Variants in CLVS1 observed in about 807,000 individuals in gnomAD.
The protein encoded by CLVS1 is clavesin 1.
CLVS1 carries 10 observed loss-of-function variants against 33.1 expected under a neutral mutation model. That is an observed-to-expected ratio of 0.30 (90% CI 0.19 to 0.51). CLVS1 has a LOEUF of 0.51. CLVS1 is among the 20% of genes least tolerant of loss of function. The pLI, the probability that CLVS1 is intolerant of heterozygous loss-of-function variation, is 0.97. For missense variants in CLVS1, 343 were observed against 433.4 expected (o/e 0.79, Z 1.85); for synonymous variants, 163 against 166.1 (o/e 0.98, Z 0.14).
chr8:61,114,347 TA>T (rs1235703950), intron 1 of CLVS1, among the ~76,000 whole-genome samples: 3 of 152,228 alleles, frequency 2.0e-5, no homozygotes, highest in African/African-American at 7.2e-5. Context: ...GAAAATTCAG[TA>T]AAGCATCATC....
At chr8:61,330,217 G>A (rs1158790707) in intron 2 of CLVS1, among the ~76,000 whole-genome samples, 1 of 152,178 alleles carries the variant, frequency 6.6e-6, no homozygotes, top group Non-Finnish European at 1.5e-5. Context: ...CCAAGGAGCA[G>A]CTGCTGTTAC....
chr8:61,139,206 G>T (rs758888114), intron 2 of CLVS1, among the ~76,000 whole-genome samples: 2 of 152,160 alleles, frequency 1.3e-5, no homozygotes, highest in Non-Finnish European at 2.9e-5. Flanking sequence ...CCGGCTGCCA[G>T]CAGAGGGCAG....
intron 2 of CLVS1, among the ~76,000 whole-genome samples, chr8:61,269,053 T>A (rs1809375088): frequency 6.7e-6 from 1 of 148,556 alleles, no homozygotes; most frequent in Non-Finnish European, 1.5e-5. Flanking sequence ...TGTCTTTTGT[T>A]GCCATTGCTT....
chr8:61,378,632 C>CA (rs1030913688), intron 3 of CLVS1, among the ~76,000 whole-genome samples: 6 of 152,176 alleles, frequency 3.9e-5, no homozygotes, highest in Non-Finnish European at 1.5e-5. Context: ...ACAGTTCCTT[C>CA]ATCAAGGATA....
intron 3 of CLVS1, among the ~76,000 whole-genome samples, chr8:61,443,588 C>T (rs1816647390): frequency 1.3e-5 from 2 of 152,116 alleles, no homozygotes; most frequent in South Asian, 4.1e-4. Context: ...CTATTCTGTT[C>T]CCTTAATCTA....
chr8:61,490,656 CA>C (rs11455386), intron 5 of CLVS1, among the ~76,000 whole-genome samples: 155 of 113,048 alleles, frequency 1.4e-3, no homozygotes, highest in African/African-American at 3.6e-3. Flanking sequence ...AGATCCGTCT[CA>C]AAAAAAAAAA....
At chr8:61,219,305 C>T (rs1254243037) in intron 2 of CLVS1, among the ~76,000 whole-genome samples, 2 of 152,038 alleles carry the variant, frequency 1.3e-5, no homozygotes, top group Non-Finnish European at 2.9e-5. Flanking sequence ...CTCTCACTTC[C>T]CCCCACCAAC....
chr8:61,055,027 C>T (rs1455601985), upstream of CLVS1, among the ~76,000 whole-genome samples: 1 of 152,168 alleles, frequency 6.6e-6, no homozygotes, highest in Non-Finnish European at 1.5e-5. Context: ...CCAACCCTTT[C>T]ATTATCTAAC....
intron 3 of CLVS1, among the ~76,000 whole-genome samples, chr8:61,410,890 C>A (rs1483332959): frequency 6.6e-6 from 1 of 152,164 alleles, no homozygotes; most frequent in African/African-American, 2.4e-5. Context: ...GATCCGCCTG[C>A]CTTAGCCTCC....
At chr8:61,382,790 T>C (rs1312143525) in intron 3 of CLVS1, among the ~76,000 whole-genome samples, 1 of 152,124 alleles carries the variant, frequency 6.6e-6, no homozygotes, top group Non-Finnish European at 1.5e-5. Flanking sequence ...AACCACACTT[T>C]GGTGTGGGTG....
chr8:61,398,609 C>T (rs1376045654), intron 3 of CLVS1, among the ~76,000 whole-genome samples: 4 of 152,034 alleles, frequency 2.6e-5, no homozygotes, highest in Non-Finnish European at 5.9e-5. Context: ...CATAGATAAA[C>T]GTGTGCCATG....
chr8:61,122,425 T>C (rs921168257), intron 1 of CLVS1, among the ~76,000 whole-genome samples: 1 of 152,146 alleles, frequency 6.6e-6, no homozygotes, highest in Admixed American at 6.5e-5. Flanking sequence ...GGGATATAGA[T>C]TGCCAGGAAA....
chr8:61,262,766 G>A (rs1049634135), intron 2 of CLVS1, among the ~76,000 whole-genome samples: 4 of 152,084 alleles, frequency 2.6e-5, no homozygotes, highest in Admixed American at 6.5e-5. Flanking sequence ...GGTGGCAGGC[G>A]TTCAGGATGC....
the CLVS1 span, among the ~76,000 whole-genome samples, chr8:60,997,923 C>T: frequency 2.6e-5 from 4 of 151,884 alleles, no homozygotes; most frequent in African/African-American, 9.7e-5. Context: ...TCTTTCTAGT[C>T]CTTAAGGTGC....
At chr8:61,367,070 C>T (rs752549002) in intron 2 of CLVS1, among the ~76,000 whole-genome samples, 1 of 152,096 alleles carries the variant, frequency 6.6e-6, no homozygotes, top group Non-Finnish European at 1.5e-5. Flanking sequence ...GGCTACTATC[C>T]TTCATGGTTC....
intron 2 of CLVS1, among the ~76,000 whole-genome samples, chr8:61,167,568 A>G (rs1806901776): frequency 6.6e-6 from 1 of 152,246 alleles, no homozygotes; most frequent in African/African-American, 2.4e-5. Flanking sequence ...GTGAGGAAAC[A>G]TCAGAGTTCT....
chr8:61,160,724 G>A (rs1806735464), intron 2 of CLVS1, among the ~76,000 whole-genome samples: 1 of 152,110 alleles, frequency 6.6e-6, no homozygotes, highest in African/African-American at 2.4e-5. Flanking sequence ...GTTGAGTCCA[G>A]TTAAATATTT....
intron 2 of CLVS1, among the ~76,000 whole-genome samples, chr8:61,303,597 A>G (rs1810511998): frequency 6.6e-6 from 1 of 152,198 alleles, no homozygotes; most frequent in Admixed American, 6.5e-5. Context: ...TTATGGTTTT[A>G]ATAAAAAGGT....
intron 1 of CLVS1, among the ~76,000 whole-genome samples, chr8:61,077,439 AAGTATTATTATT>A (rs1001311736): frequency 7.7e-6 from 1 of 129,524 alleles, no homozygotes; most frequent in Non-Finnish European, 1.6e-5. Flanking sequence ...GACCCTCTAA[AAGTATTATTATT>A]ATTATTATTA....
Sources: gnomAD v4.1 joint callset for allele counts (sites outside exome capture counted in the v4.1 genomes callset) on GRCh38, gnomAD v4.1.1 for gene constraint, MANE v1.5 for transcripts, NCBI Gene and HGNC (gene_info 2026-07-23, HGNC 2026-07-21) for gene names.